ZFR2: variants seen among roughly 807,000 people sequenced by gnomAD.
ZFR2 encodes the protein zinc finger RNA-binding protein 2.
Under a neutral mutation model 105.7 loss-of-function variants are expected in ZFR2, and 104 were observed. The observed-to-expected ratio is 0.98, with a 90% CI of 0.84 to 1.16. The LOEUF is 1.16. ZFR2 is among the 50% of genes most tolerant of loss of function. The pLI is 0.00. For synonymous variants in ZFR2, 634 were observed against 597.7 expected (o/e 1.06, Z -0.89); for missense variants, 1,425 against 1,355.5 (o/e 1.05, Z -0.80).
At chr19:3,859,725 G>A (rs958841054) in intron 1 of ZFR2, among the ~76,000 whole-genome samples, 1 of 152,212 alleles carries the variant, frequency 6.6e-6, no homozygotes, top group Admixed American at 6.5e-5. Context: ...GAGTTTTCAA[G>A]TCTGTTTTAC....
In ZFR2 at chr19:3,833,785, G is replaced by A; in HGVS notation, c.265-7C>T. 3 of 1,564,274 alleles carry A rather than the reference G, an allele frequency of 1.9e-6. No individual in the cohort carries two copies. The highest frequency in any genetic ancestry group is 1.7e-6 in the Non-Finnish European group (2 of 1,153,606). The stretch of plus-strand genomic sequence containing the variant: ...GTCCGTAGCTGTAACTGTCCTATGT[G>A]GGGGTTTCGGCAGGAGAGAGACAGA... On this transcript the variant is annotated splice_region_variant and splice_polypyrimidine_tract_variant and intron_variant, in intron 2 of 18. Coordinates refer to ENST00000262961, the MANE Select transcript of ZFR2 (RefSeq NM_015174.2).
rs778476747 is a variant in ZFR2, at chr19:3,808,883, G to A, written c.2534C>T (p.Thr845Met). ...RRVLECVATG[T>M]LLTDGPGLQD... ...GCCCAGCGACTGACCTGTCAGGAGC[G>A]TCCCTGTGGCCACGCACTCCAGGAC... Residue 845 changes from threonine to methionine, a missense_variant, in exon 17 of 19, where the codon ACG becomes ATG. By Grantham distance (81) the Thr-to-Met change is moderately conservative (BLOSUM62 -1). Transcript: ENST00000262961. The A allele has an allele frequency of 6.8e-5, 105 of 1,551,952 alleles. No homozygotes were observed. Among genetic ancestry groups the A allele is most frequent in the Middle Eastern group, 1.7e-4 (1 of 6,010 alleles).
chr19:3,814,081 G>A, intron 13 of ZFR2, 123 bp from the exon 14 acceptor site: 2 of 1,428,332 alleles, frequency 1.4e-6, no homozygotes, highest in African/African-American at 1.4e-5. Context: ...TGCTGCCTGG[G>A]TGCCGGGCCC....
chr19:3,853,427 C>T lies in ZFR2; in HGVS notation c.53+15538G>A, dbSNP rs561955512. On this transcript the variant is annotated intron_variant, in intron 1 of 18. Transcript: ENST00000262961. ...CCAGACCCCGGGTTGAGAATCCCTG[C>T]TGTCACAGGTGGATCAAAAAGCATT... Among the ~76,000 whole-genome samples, 4 of 152,236 alleles carry T rather than the reference C, an allele frequency of 2.6e-5. No homozygotes were observed. In the South Asian group the frequency reaches 8.3e-4, roughly 32 times the overall value.
intron 1 of ZFR2, among the ~76,000 whole-genome samples, chr19:3,842,344 C>G (rs1437511048): frequency 1.3e-5 from 2 of 152,046 alleles, no homozygotes; most frequent in Admixed American, 6.6e-5. Context: ...ACGAGAGACC[C>G]TGAGCATTAG....
At chr19:3,809,667 G>A (rs146621933) in intron 16 of ZFR2, among the ~76,000 whole-genome samples, 164 of 152,328 alleles carry the variant, frequency 1.1e-3, no homozygotes, top group Admixed American at 3.5e-3. Flanking sequence ...TGAAAGGTCC[G>A]GCGCGGTGGC....
At chr19:3,855,426 G>C (rs2038286149) in intron 1 of ZFR2, 2 of 1,231,644 alleles carry the variant, frequency 1.6e-6, no homozygotes, top group Non-Finnish European at 2.0e-6. Context: ...AAGCAGTCCC[G>C]GGCGATCCGG....
intron 2 of ZFR2, 125 bp from the exon 3 acceptor site, chr19:3,833,903 G>T: frequency 2.7e-6 from 2 of 748,136 alleles, no homozygotes; most frequent in South Asian, 1.9e-5. Flanking sequence ...GCTCCTAAGC[G>T]TCTGCCCAGG....
intron 1 of ZFR2, among the ~76,000 whole-genome samples, chr19:3,840,503 T>C (rs1451617898): frequency 6.6e-6 from 1 of 151,040 alleles, no homozygotes; most frequent in Non-Finnish European, 1.5e-5. Flanking sequence ...TCCCAAAGTG[T>C]TGGGATTACA....
At position 3,811,343 on chromosome 19, in the gene ZFR2, C is replaced by T. The variant is rs375143703; in HGVS notation, c.2266G>A (p.Ala756Thr). ...DPGVEEPQAD[A>T]GDVLSPKKCL... Reference sequence around the variant, plus strand: ...TTCTTGGGGCTCAGGACATCACCTGCATCAGCCTGAGGCTCCTCCACACCT... The same window carrying T: ...TTCTTGGGGCTCAGGACATCACCTGTATCAGCCTGAGGCTCCTCCACACCT... The change falls in exon 15 of 19, where the codon GCA becomes ACA. Residue 756 changes from alanine to threonine, a missense_variant. Transcript: ENST00000262961. The T allele has an allele frequency of 2.2e-5, 36 of 1,601,058 alleles. No homozygotes were observed. The highest frequency in any genetic ancestry group is 5.1e-5 in the Admixed American group (3 of 58,440).
chr19:3,849,298 A>G (rs962492264), intron 1 of ZFR2, among the ~76,000 whole-genome samples: 10 of 152,240 alleles, frequency 6.6e-5, no homozygotes, highest in Non-Finnish European at 1.3e-4. Context: ...GCCTCCGCAC[A>G]CAGCTTTGTC....
Position 3,811,313 on chromosome 19 carries a change from G to A in ZFR2, c.2296C>T (p.Leu766Phe). Residue 766 changes from leucine (L) to phenylalanine (F), a missense_variant, in exon 15 of 19, where the codon CTC (leucine) becomes TTC (phenylalanine). Leu to Phe is a conservative substitution (Grantham distance 22). Transcript: ENST00000262961. ...AGDVLSPKKCLESLAALRHAR... is the reference protein window; with the variant it reads ...AGDVLSPKKCFESLAALRHAR... ...TGACGGAGGGCGGCCAGGGACTCGA[G>A]GCACTTCTTGGGGCTCAGGACATCA... The A allele has an allele frequency of 5.6e-6, 9 of 1,605,492 alleles. No individual in the cohort carries two copies. Among genetic ancestry groups the A allele is most frequent in the Non-Finnish European group, 7.6e-6 (9 of 1,176,624 alleles).
chr19:3,829,374 A>C (rs1329131444), intron 5 of ZFR2, among the ~76,000 whole-genome samples: 1 of 152,142 alleles, frequency 6.6e-6, no homozygotes, highest in Middle Eastern at 3.2e-3. Flanking sequence ...GGAATAGAGA[A>C]GACTCTGGAA....
intron 15 of ZFR2, 125 bp from the exon 16 acceptor site, chr19:3,810,970 G>A (rs942078743): frequency 9.0e-7 from 1 of 1,116,244 alleles, no homozygotes; most frequent in South Asian, 1.6e-5. Flanking sequence ...CTCGAAGGTG[G>A]CGGGTGGAAA....
intron 1 of ZFR2, among the ~76,000 whole-genome samples, chr19:3,849,381 T>G (rs2038213980): frequency 6.6e-6 from 1 of 152,172 alleles, no homozygotes; most frequent in South Asian, 2.1e-4. Flanking sequence ...ATGGCAGAGA[T>G]CAGACAGCCC....
Position 3,831,379 on chromosome 19 carries a change from G to C in ZFR2, c.776C>G (p.Pro259Arg), listed in dbSNP as rs755271706. The change falls in exon 5 of 19, where the codon CCG (proline) becomes CGG (arginine). Residue 259 changes from proline (P) to arginine (R), a missense_variant. Physicochemically the swap from Pro to Arg is moderately radical, Grantham distance 103 (BLOSUM62 -2). Coordinates refer to ENST00000262961, the MANE Select transcript of ZFR2 (RefSeq NM_015174.2). ...CTGCCTGGGCCCCGCCTTGGGTCTC[G>C]GCAGCTTGCTGGGAAGCGGTGGCTT... ...DSKPPLPSKL[P>R]RPKAGPRQLQ... 3 of 1,558,090 alleles carry C rather than the reference G, an allele frequency of 1.9e-6. No individual in the cohort carries two copies. The highest frequency in any genetic ancestry group is 8.7e-7 in the Non-Finnish European group (1 of 1,153,088).
At chr19:3,845,861 A>G (rs1407485788) in intron 1 of ZFR2, among the ~76,000 whole-genome samples, 1 of 152,246 alleles carries the variant, frequency 6.6e-6, no homozygotes, top group East Asian at 1.9e-4. Context: ...GGGCATATTC[A>G]GAGGTACTGA....
Position 3,820,200 on chromosome 19 carries a change from G to C in ZFR2, c.1722C>G (p.Pro574=). The change falls in exon 11 of 19, where the codon CCC becomes CCG. Residue 574 remains proline (P), a synonymous_variant. Transcript: ENST00000262961. ...TACCTACCTGGAGTGGGGCGCTGGCGGGTGACTCCGGCCTGCCCATGAGCA... is the reference window on the plus strand; with the variant it reads ...TACCTACCTGGAGTGGGGCGCTGGCCGGTGACTCCGGCCTGCCCATGAGCA... The part of the protein sequence containing the change: ...QPLLMGRPES[P]ASAPLQPGRR... The C allele has an allele frequency of 6.4e-7, 1 of 1,552,418 alleles. No individual in the cohort carries two copies. Among genetic ancestry groups the C allele is most frequent in the Non-Finnish European group, 8.7e-7 (1 of 1,147,814 alleles).
chr19:3,850,723 AAACAACAACAACAACAAC>A (rs59895843), intron 1 of ZFR2, among the ~76,000 whole-genome samples: 1 of 148,094 alleles, frequency 6.8e-6, no homozygotes, highest in African/African-American at 2.5e-5. Context: ...CTCTACAGAA[AAACAACAACAACAACAAC>A]AACAACAACA....
Sources: gnomAD v4.1 joint callset for allele counts (sites outside exome capture counted in the v4.1 genomes callset) on GRCh38, gnomAD v4.1.1 for gene constraint, MANE v1.5 for transcripts, NCBI Gene and HGNC (gene_info 2026-07-23, HGNC 2026-07-21) for gene names.